ELMO1: variants seen among roughly 807,000 people sequenced by gnomAD.
The protein encoded by ELMO1 is engulfment and cell motility protein 1.
ELMO1 carries 26 observed loss-of-function variants against 98.9 expected under a neutral mutation model. The ratio of observed to expected loss-of-function variants is 0.26; its 90% confidence interval spans 0.19 to 0.36. The LOEUF (loss-of-function observed/expected upper bound fraction) is 0.36. Ranked by LOEUF, ELMO1 falls within the 10% of genes least tolerant of loss-of-function variation. The probability of loss-of-function intolerance (pLI) is 1.00; values close to 1 mark genes in which losing one functional copy is unlikely to be tolerated. For synonymous variants in ELMO1, 346 were observed against 346.0 expected, an observed-to-expected ratio of 1.00 and a Z score of 0.00; for missense variants, 627 against 935.2, an observed-to-expected ratio of 0.67 and a Z score of 4.30.
chr7:37,297,657 A>C (rs1440841227), intron 4 of ELMO1, among the ~76,000 whole-genome samples: 1 of 152,210 alleles, frequency 6.6e-6, no homozygotes, highest in East Asian at 1.9e-4. Context: ...TAAAAGTCCA[A>C]ATACAAAGAA....
chr7:37,092,366 C>CTTTTTTTTTTTTTTTTTTTTTT (rs537388417), intron 15 of ELMO1, among the ~76,000 whole-genome samples: 26 of 68,910 alleles, frequency 3.8e-4, no homozygotes, highest in African/African-American at 6.8e-4. Context: ...TACCCATATT[C>CTTTTTTTTTTTTTTTTTTTTTT]TTTTTTTTTT....
intron 1 of ELMO1, among the ~76,000 whole-genome samples, chr7:37,372,088 T>C (rs1321027875): frequency 1.3e-5 from 2 of 152,140 alleles, no homozygotes; most frequent in East Asian, 3.8e-4. Context: ...CTTGACCTTT[T>C]GCAGTGAGTA....
chr7:37,096,836 A>G (rs1391552572), intron 14 of ELMO1, 109 bp from the exon 15 acceptor site: 1 of 1,015,128 alleles, frequency 9.9e-7, no homozygotes, highest in Non-Finnish European at 1.5e-6. Flanking sequence ...CAGATCCCCA[A>G]ACGAAGACTC....
At chr7:37,252,792 C>T (rs1036983696) in intron 6 of ELMO1, among the ~76,000 whole-genome samples, 1 of 152,038 alleles carries the variant, frequency 6.6e-6, no homozygotes, top group African/African-American at 2.4e-5. Context: ...AGTGAACAGG[C>T]AACCTACAGA....
At chr7:37,124,540 T>C (rs563134212) in intron 14 of ELMO1, among the ~76,000 whole-genome samples, 1 of 152,248 alleles carries the variant, frequency 6.6e-6, no homozygotes, top group South Asian at 2.1e-4. Flanking sequence ...TCACAATTGC[T>C]TCAAAGAGAA....
At chr7:37,097,775 C>T (rs1562999010) in intron 14 of ELMO1, among the ~76,000 whole-genome samples, 3 of 152,140 alleles carry the variant, frequency 2.0e-5, no homozygotes, top group African/African-American at 7.2e-5. Context: ...AAAACAGAGA[C>T]AAGAGACAGC....
chr7:37,138,297 A>AT (rs1223405746), intron 13 of ELMO1, among the ~76,000 whole-genome samples: 2 of 40,604 alleles, frequency 4.9e-5, no homozygotes, highest in Non-Finnish European at 7.7e-5. Flanking sequence ...CTTTGAAAAG[A>AT]TAAAAAAAAA....
rs1794417283 is a variant in ELMO1 at position 37,235,611 on chromosome 7, C to T, written c.450-2417G>A. On this transcript the variant is annotated intron_variant, in intron 7 of 21. Coordinates refer to ENST00000310758, the MANE Select transcript of ELMO1 (RefSeq NM_014800.11). ...ACAGCAGCACAGGCAATGGAACAGG[C>T]AGTGGCAGAGAAACACACACACTAC... is the stretch of plus-strand genomic sequence containing the variant. Among the ~76,000 whole-genome samples, 3 of 152,312 alleles carry T rather than the reference C, an allele frequency of 2.0e-5. No homozygotes were observed. In the South Asian group the frequency reaches 6.2e-4, roughly 32 times the overall value.
intron 1 of ELMO1, among the ~76,000 whole-genome samples, chr7:37,368,003 C>A (rs74416810): frequency 0.081 from 12,274 of 152,138 alleles, 624 homozygotes; most frequent in Middle Eastern, 0.12. Context: ...ATCTTAGGAA[C>A]GTAGGCAAAT....
chr7:37,351,891 C>G (rs1037215505), intron 1 of ELMO1, among the ~76,000 whole-genome samples: 1 of 152,210 alleles, frequency 6.6e-6, no homozygotes, highest in Admixed American at 6.5e-5. Flanking sequence ...ACGTAGCGCT[C>G]AGCACCTAGG....
rs531584933 is a variant in ELMO1 at position 37,342,312 on chromosome 7, A to C, written c.78+301T>G. 6.6e-6 allele frequency among the ~76,000 whole-genome samples: 1 copy of C among 152,270 alleles called. No individual in the cohort carries two copies. The highest frequency in any genetic ancestry group is 1.9e-4 in the East Asian group (1 of 5,186). On this transcript the variant is annotated intron_variant, in intron 2 of 21. Coordinates refer to ENST00000310758, the MANE Select transcript of ELMO1 (RefSeq NM_014800.11). The surrounding 1 kb of genome is among the most constrained non-coding windows in gnomAD (Gnocchi z 4.3). ...ATCCATGTGTCATGGCAAGGCAGGG[A>C]TGGGGCAGCCTCCACTGTGTCAACT...
At chr7:36,957,845 G>T (rs571836833) in intron 16 of ELMO1, among the ~76,000 whole-genome samples, 3 of 152,050 alleles carry the variant, frequency 2.0e-5, no homozygotes, top group Admixed American at 6.6e-5. Context: ...CAAATACCTC[G>T]CTTTGCATGT....
intron 4 of ELMO1, among the ~76,000 whole-genome samples, chr7:37,272,549 C>T (rs1247025609): frequency 6.6e-6 from 1 of 152,118 alleles, no homozygotes; most frequent in Non-Finnish European, 1.5e-5. Context: ...GTGGCAGGCG[C>T]CTGTAATCCC....
At chr7:37,435,383 C>A (rs1805102400) in intron 1 of ELMO1, among the ~76,000 whole-genome samples, 3 of 152,186 alleles carry the variant, frequency 2.0e-5, no homozygotes, top group African/African-American at 7.2e-5. Context: ...GTTTCCACCC[C>A]CTGCATACGA....
In ELMO1 at chr7:36,991,941, C is replaced by A. The variant is rs530430563; in HGVS notation, c.1437+21358G>T. 2.0e-5 allele frequency among the ~76,000 whole-genome samples: 3 copies of A among 152,338 alleles called. No homozygotes were observed. The East Asian group carries it at 5.8e-4, about 29-fold the overall frequency. ...TCAGGATTCAAACTCAGGTGTCCAT[C>A]TGTGGAGCACCCTGAGCAGCACGCC... On this transcript the variant is annotated intron_variant, in intron 16 of 21. Coordinates refer to ENST00000310758, the MANE Select transcript of ELMO1 (RefSeq NM_014800.11).
chr7:37,222,731 G>A (rs757550074), intron 9 of ELMO1, 38 bp from the exon 10 acceptor site: 22 of 1,592,658 alleles, frequency 1.4e-5, no homozygotes, highest in South Asian at 4.4e-5. Flanking sequence ...ATCAGAACAC[G>A]AAGTCAGAAG....
intron 16 of ELMO1, among the ~76,000 whole-genome samples, chr7:36,926,820 A>G (rs945200679): frequency 1.3e-5 from 2 of 152,152 alleles, no homozygotes; most frequent in African/African-American, 4.8e-5. Flanking sequence ...ATATTTTTCT[A>G]TATTCCTAAT....
At chr7:37,053,285 A>AACAC (rs59573752) in intron 15 of ELMO1, among the ~76,000 whole-genome samples, 13,048 of 138,688 alleles carry the variant, frequency 0.094, 651 homozygotes, top group Middle Eastern at 0.14. Flanking sequence ...CATTTGTTAA[A>AACAC]ACACACACAC....
At chr7:37,127,227 G>A (rs1786590363) in intron 14 of ELMO1, among the ~76,000 whole-genome samples, 1 of 152,166 alleles carries the variant, frequency 6.6e-6, no homozygotes, top group Non-Finnish European at 1.5e-5. Flanking sequence ...AGCATCTTTT[G>A]GGTGTCAATC....
Sources: gnomAD v4.1 joint callset for allele counts (sites outside exome capture counted in the v4.1 genomes callset) on GRCh38, gnomAD v4.1.1 for gene constraint, Gnocchi (gnomAD v3.1) non-coding constraint, MANE v1.5 for transcripts, NCBI Gene and HGNC (gene_info 2026-07-23, HGNC 2026-07-21) for gene names.